The following WDR17 variants were observed in gnomAD, a reference collection of about 807,000 sequenced individuals.
WDR17 encodes the protein WD repeat-containing protein 17.
Under a neutral mutation model 161.7 loss-of-function variants are expected in WDR17, and 143 were observed. The ratio of observed to expected loss-of-function variants is 0.88; its 90% CI spans 0.77 to 1.02. The LOEUF is 1.02. WDR17 is among the 50% of genes least tolerant of loss of function. WDR17 has a pLI of 0.00. For synonymous variants in WDR17, 517 were observed against 515.6 expected (o/e 1.00, Z -0.04); for missense variants, 1,469 against 1,520.9 (o/e 0.97, Z 0.57).
At chr4:176,072,554 G>A (rs1733375521) in intron 1 of WDR17, among the ~76,000 whole-genome samples, 1 of 152,202 alleles carries the variant, frequency 6.6e-6, no homozygotes, top group South Asian at 2.1e-4. Flanking sequence ...ATCACAATGA[G>A]AATAATGCTC....
At chr4:176,089,192 A>T (rs1735793040) in intron 1 of WDR17, among the ~76,000 whole-genome samples, 2 of 151,886 alleles carry the variant, frequency 1.3e-5, no homozygotes, top group African/African-American at 2.4e-5. Context: ...AGCAAAATGT[A>T]CTCATTAGCA....
intron 1 of WDR17, chr4:176,096,313 T>C (rs562114319): frequency 2.5e-6 from 1 of 397,254 alleles, no homozygotes; most frequent in Non-Finnish European, 4.5e-6. Flanking sequence ...TTATTGTCGA[T>C]TTCTTTCTTA....
chr4:176,174,652 T>G lies in WDR17; in HGVS notation c.3383T>G (p.Ile1128Ser). Reference protein sequence around the residue: ...RNELLILCGYIGALLAIRRQY... With the variant: ...RNELLILCGYSGALLAIRRQY... ...GAGTTGCTGATATTATGTGGTTACA[T>G]TGGTGCATTACTGGCTATCAGAAGA... Residue 1128 changes from isoleucine (I) to serine (S), a missense_variant, in exon 26 of 29, where the codon ATT (isoleucine) becomes AGT (serine). Physicochemically the swap from Ile to Ser is moderately radical, Grantham distance 142. Coordinates refer to ENST00000508596, the MANE Select transcript of WDR17 (RefSeq NM_181265.4). The G allele has an allele frequency of 6.2e-7, 1 of 1,612,286 alleles. No homozygotes were observed. Among genetic ancestry groups the G allele is most frequent in the Non-Finnish European group, 8.5e-7 (1 of 1,178,856 alleles).
At chr4:176,155,996 C>G in intron 17 of WDR17, 83 bp from the exon 18 acceptor site, 1 of 1,210,056 alleles carries the variant, frequency 8.3e-7, no homozygotes, top group South Asian at 1.4e-5. Context: ...ATTATAAATA[C>G]CAATCTATTT....
chr4:176,075,595 TC>T (rs1733856697), intron 1 of WDR17, among the ~76,000 whole-genome samples: 2 of 152,180 alleles, frequency 1.3e-5, no homozygotes, highest in African/African-American at 4.8e-5. Context: ...GTAATTTTAT[TC>T]AAGTAATTTT....
Position 176,167,644 on chromosome 4 carries a change from C to CAAAAAAAAA in WDR17, c.2991-1008_2991-1000dup, listed in dbSNP as rs34187946. Among the ~76,000 whole-genome samples the CAAAAAAAAA allele has an allele frequency of 9.2e-3, 220 of 23,792 alleles. 12 individuals are homozygous for CAAAAAAAAA. Among genetic ancestry groups the CAAAAAAAAA allele is most frequent in the East Asian group, 0.022 (16 of 742 alleles). 15.6% of individuals were successfully genotyped at this position (23,792 alleles called of 152,430 possible). On this transcript the variant is annotated intron_variant, in intron 22 of 28. Coordinates refer to ENST00000508596, the MANE Select transcript of WDR17 (RefSeq NM_181265.4). ...CCTGGGCGACAGCGAGACTCCGTCT[C>CAAAAAAAAA]AAAAAAAAAAAAAAAAAAAAAAAAA...
intron 3 of WDR17, among the ~76,000 whole-genome samples, chr4:176,116,920 A>G (rs1016894442): frequency 1.3e-5 from 2 of 151,898 alleles, no homozygotes; most frequent in African/African-American, 2.4e-5. Context: ...TGTAATACAT[A>G]AATTTTATTA....
intron 18 of WDR17, 31 bp from the exon 19 acceptor site, chr4:176,159,963 A>G (rs1748776818): frequency 3.2e-6 from 5 of 1,539,478 alleles, no homozygotes; most frequent in Admixed American, 1.8e-5. Flanking sequence ...AAAATAATAT[A>G]TTGTTTAAAA....
rs1310196215 is a variant in WDR17, at chr4:176,181,268, A to T, written c.*1689A>T. Reference sequence around the variant, plus strand: ...CAGATCTTGAGGTCGGTAGATGGAGACCATCCTGGCCAACATGGTGAAACC... The same window carrying T: ...CAGATCTTGAGGTCGGTAGATGGAGTCCATCCTGGCCAACATGGTGAAACC... On this transcript the variant is annotated 3_prime_UTR_variant, in exon 29 of 29. Coordinates refer to ENST00000508596, the MANE Select transcript of WDR17 (RefSeq NM_181265.4). The T allele has an allele frequency of 6.6e-6, 1 of 152,272 alleles. No homozygotes were observed. The highest frequency in any genetic ancestry group is 1.5e-5 in the Non-Finnish European group (1 of 68,242). The allele number at this position is 152,272 out of a possible 1,614,324, so 9.4% of individuals were successfully genotyped here. A position where few individuals can be genotyped will look rare whatever the true frequency, so the allele number is the denominator to read the frequency against.
chr4:176,167,490 C>CAA (rs781511820), intron 22 of WDR17, among the ~76,000 whole-genome samples: 58 of 150,062 alleles, frequency 3.9e-4, no homozygotes, highest in Non-Finnish European at 7.4e-4. Context: ...ACTAAAAATA[C>CAA]AAAAAATTAG....
At chr4:176,169,644 A>G (rs1579255325) in intron 23 of WDR17, among the ~76,000 whole-genome samples, 2 of 152,144 alleles carry the variant, frequency 1.3e-5, no homozygotes, top group East Asian at 3.9e-4. Context: ...TTGAACCGTG[A>G]TTTTTTTATC....
chr4:176,103,131 T>C (rs1354749254), intron 1 of WDR17, among the ~76,000 whole-genome samples: 1 of 152,122 alleles, frequency 6.6e-6, no homozygotes, highest in African/African-American at 2.4e-5. Flanking sequence ...CTTTTTACCC[T>C]TTTGGGAGCC....
intron 3 of WDR17, among the ~76,000 whole-genome samples, chr4:176,117,662 AC>A (rs1419449768): frequency 2.6e-5 from 4 of 152,098 alleles, no homozygotes; most frequent in Non-Finnish European, 5.9e-5. Flanking sequence ...CACTGGATAT[AC>A]AACTAAATAA....
In WDR17 at chr4:176,079,337, G is replaced by A. The variant is rs570005192; in HGVS notation, c.-7+13258G>A. Among the ~76,000 whole-genome samples, 3 of 152,264 alleles carry A rather than the reference G, an allele frequency of 2.0e-5. No individual in the cohort carries two copies. The South Asian group carries it at 6.2e-4, about 32-fold the overall frequency. ...CTGCAGTGCTGCAGTAAACATGGGA[G>A]TGGAGATATCTTTTGGATGTTCTGA... On this transcript the variant is annotated intron_variant, in intron 1 of 28. Transcript: ENST00000508596.
chr4:176,166,051 T>C (rs1250338411), intron 22 of WDR17: 1 of 811,476 alleles, frequency 1.2e-6, no homozygotes, highest in Non-Finnish European at 1.9e-6. Flanking sequence ...TTTTTTACAT[T>C]TACTGTAAAA....
chr4:176,151,393 AC>A (rs1461104629), intron 16 of WDR17, among the ~76,000 whole-genome samples: 1 of 151,936 alleles, frequency 6.6e-6, no homozygotes, highest in African/African-American at 2.4e-5. Context: ...CCCGTGTCCC[AC>A]CCCCACACAC....
At position 176,145,983 on chromosome 4, in the gene WDR17, A is replaced by G; in HGVS notation, c.1530-12A>G. The G allele has an allele frequency of 6.2e-7, 1 of 1,609,182 alleles. No individual in the cohort carries two copies. On this transcript the variant is annotated splice_polypyrimidine_tract_variant and intron_variant, in intron 11 of 28. Coordinates refer to ENST00000508596, the MANE Select transcript of WDR17 (RefSeq NM_181265.4). ...TTTATCCTATGTCAATATTCCATTG[A>G]TGATATTTCAGAGACATGATAGCCA... is the stretch of plus-strand genomic sequence containing the variant.
Position 176,182,130 on chromosome 4 carries a change from A to C in WDR17, c.*2551A>C, listed in dbSNP as rs2126915130. On this transcript the variant is annotated 3_prime_UTR_variant, in exon 29 of 29. Transcript: ENST00000508596. The surrounding 1 kb of genome is among the most constrained non-coding windows in gnomAD (Gnocchi z 4.2). ...ATATGAATTTATTTTACTATTTGAA[A>C]ATGTTCATATTACCAATAATGTGGA... 1 of 152,110 alleles carries C rather than the reference A, an allele frequency of 6.6e-6. No homozygotes were observed. Among genetic ancestry groups the C allele is most frequent in the African/African-American group, 2.4e-5 (1 of 41,556 alleles). 9.4% of individuals were successfully genotyped at this position (152,110 alleles called of 1,614,324 possible).
intron 2 of WDR17, among the ~76,000 whole-genome samples, chr4:176,114,358 G>A (rs1441549531): frequency 2.0e-5 from 3 of 151,968 alleles, no homozygotes; most frequent in Non-Finnish European, 4.4e-5. Context: ...AGTTGTCCAA[G>A]AATAGTTGAA....
Sources: gnomAD v4.1 joint callset for allele counts (sites outside exome capture counted in the v4.1 genomes callset) on GRCh38, gnomAD v4.1.1 for gene constraint, Gnocchi (gnomAD v3.1) non-coding constraint, MANE v1.5 for transcripts, NCBI Gene and HGNC (gene_info 2026-07-23, HGNC 2026-07-21) for gene names.